The following PPP3CB variants were observed in gnomAD, a reference collection of about 807,000 sequenced individuals.
The protein encoded by PPP3CB is serine/threonine-protein phosphatase 2B catalytic subunit beta isoform.
Under a neutral mutation model 66.4 loss-of-function variants are expected in PPP3CB, and 8 were observed. That is an observed-to-expected ratio of 0.12 (90% CI 0.07 to 0.22). The LOEUF is 0.22. Ranked by LOEUF, PPP3CB falls within the 10% of genes least tolerant of loss-of-function variation. PPP3CB has a pLI of 1.00. For missense variants in PPP3CB, 319 were observed against 642.5 expected, an observed-to-expected ratio of 0.50 and a Z score of 5.44; for synonymous variants, 208 against 221.2, an observed-to-expected ratio of 0.94 and a Z score of 0.53.
At chr10:73,476,342 C>A (rs549979291) in intron 3 of PPP3CB, among the ~76,000 whole-genome samples, 8 of 152,226 alleles carry the variant, frequency 5.3e-5, no homozygotes, top group Non-Finnish European at 1.2e-4. Flanking sequence ...TACATCCAGG[C>A]GCAGTGGCTC....
chr10:73,458,997 G>A (rs558311825), intron 9 of PPP3CB, among the ~76,000 whole-genome samples: 2 of 151,958 alleles, frequency 1.3e-5, no homozygotes, highest in African/African-American at 2.4e-5. Context: ...TTGAACCCAG[G>A]AGGCAGAGGT....
At chr10:73,440,801 T>C (rs1016168915) in intron 12 of PPP3CB, among the ~76,000 whole-genome samples, 1 of 152,212 alleles carries the variant, frequency 6.6e-6, no homozygotes, top group African/African-American at 2.4e-5. Context: ...TATAGACACA[T>C]AGGTCATATT....
intron 11 of PPP3CB, among the ~76,000 whole-genome samples, chr10:73,445,873 C>A (rs952373169): frequency 1.3e-5 from 2 of 151,918 alleles, no homozygotes; most frequent in Admixed American, 6.6e-5. Context: ...CTCAGCCTCC[C>A]GAGTAGCTGG....
rs753997606 is a variant in PPP3CB at position 73,438,334 on chromosome 10, G to A, written c.1483C>T (p.Arg495Trp). 9.9e-6 allele frequency: 16 copies of A among 1,613,844 alleles called. No homozygotes were observed. Among genetic ancestry groups the A allele is most frequent in the South Asian group, 3.3e-5 (3 of 91,076 alleles). ...LDRINERMPPRKDAVQQDGFN... is the reference protein window; with the variant it reads ...LDRINERMPPWKDAVQQDGFN... ...CCATCTTGCTGTACAGCATCTTTCCGAGGTGGCATTCTCTCATTGATCCTA... is the reference window on the plus strand; with the variant it reads ...CCATCTTGCTGTACAGCATCTTTCCAAGGTGGCATTCTCTCATTGATCCTA... The change falls in exon 14 of 14, where the codon CGG becomes TGG. Residue 495 changes from arginine (R) to tryptophan (W), a missense_variant. By Grantham distance (101) the Arg-to-Trp change is moderately radical. Coordinates refer to ENST00000360663, the MANE Select transcript of PPP3CB (RefSeq NM_021132.4).
At chr10:73,438,510 A>T in intron 13 of PPP3CB, 90 bp from the exon 14 acceptor site, 1 of 1,200,310 alleles carries the variant, frequency 8.3e-7, no homozygotes. Context: ...GAAGAAAGAA[A>T]TTAGTAGCTG....
At chr10:73,444,628 A>G in intron 12 of PPP3CB, 97 bp downstream of exon 12, 5 of 1,569,666 alleles carry the variant, frequency 3.2e-6, no homozygotes, top group Non-Finnish European at 3.5e-6. Flanking sequence ...ACTAAAAAAC[A>G]GAAGGAATTC....
chr10:73,462,697 C>T (rs978396216), intron 9 of PPP3CB, among the ~76,000 whole-genome samples: 38 of 152,046 alleles, frequency 2.5e-4, no homozygotes, highest in African/African-American at 9.2e-4. Context: ...CACCTGTAAT[C>T]CCAGCACTTT....
At chr10:73,465,336 C>G (rs1381343399) in intron 9 of PPP3CB, among the ~76,000 whole-genome samples, 2 of 152,116 alleles carry the variant, frequency 1.3e-5, no homozygotes, top group African/African-American at 4.8e-5. Context: ...TCAAGTGATC[C>G]TCCTGCCTTA....
intron 12 of PPP3CB, among the ~76,000 whole-genome samples, chr10:73,441,157 A>G (rs2056140394): frequency 1.3e-5 from 2 of 152,244 alleles, no homozygotes; most frequent in South Asian, 4.1e-4. Context: ...GCAATTATTA[A>G]TGTAAAAGAA....
At chr10:73,483,581 G>A (rs1446809892) in intron 1 of PPP3CB, among the ~76,000 whole-genome samples, 4 of 151,794 alleles carry the variant, frequency 2.6e-5, no homozygotes, top group East Asian at 1.9e-4. Flanking sequence ...CGCTTGAACC[G>A]AAGAGGTGAA....
intron 9 of PPP3CB, among the ~76,000 whole-genome samples, chr10:73,460,719 G>A (rs2056506812): frequency 6.6e-6 from 1 of 152,250 alleles, no homozygotes; most frequent in Admixed American, 6.5e-5. Context: ...GGAAAGAATA[G>A]TTTTGGGGGT....
At chr10:73,448,647 C>T (rs774433531) in intron 10 of PPP3CB, 2 of 533,290 alleles carry the variant, frequency 3.8e-6, no homozygotes, top group South Asian at 2.8e-5. Flanking sequence ...AACAATGTTA[C>T]TCTGTCTGGT....
chr10:73,468,278 A>C (rs2056650361), intron 8 of PPP3CB, among the ~76,000 whole-genome samples: 1 of 152,154 alleles, frequency 6.6e-6, no homozygotes, highest in South Asian at 2.1e-4. Flanking sequence ...ACCAAAAGAG[A>C]ATATTATAAC....
rs920215446 is a variant in PPP3CB, at chr10:73,495,762, T to C, written c.85+43A>G. ...TCTCCCGCCCGCCCTCACACACAGC[T>C]AGCTCTTCAGGCCAGGCCCCCAGGG... On this transcript the variant is annotated intron_variant, in intron 1 of 13. Coordinates refer to ENST00000360663, the MANE Select transcript of PPP3CB (RefSeq NM_021132.4). The C allele has an allele frequency of 3.2e-6, 5 of 1,543,662 alleles. No homozygotes were observed. The Admixed American group carries it at 7.2e-5, about 22-fold the overall frequency.
At chr10:73,467,783 G>C in intron 8 of PPP3CB, 105 bp from the exon 9 acceptor site, 1 of 1,084,388 alleles carries the variant, frequency 9.2e-7, no homozygotes, top group Non-Finnish European at 1.3e-6. Flanking sequence ...AAGAGGAAGG[G>C]AGATCGGGGG....
At chr10:73,453,357 A>G (rs1283495434) in intron 10 of PPP3CB, among the ~76,000 whole-genome samples, 1 of 152,222 alleles carries the variant, frequency 6.6e-6, no homozygotes, top group African/African-American at 2.4e-5. Flanking sequence ...ATTCATAAGG[A>G]TAATTTAGAA....
intron 2 of PPP3CB, 58 bp from the exon 3 acceptor site, chr10:73,478,681 T>C (rs1467872490): frequency 2.7e-6 from 4 of 1,489,214 alleles, no homozygotes; most frequent in African/African-American, 2.8e-5. Flanking sequence ...CAAATTTTAC[T>C]TAAGTTAAAA....
intron 4 of PPP3CB, among the ~76,000 whole-genome samples, chr10:73,472,312 T>A (rs753444467): frequency 6.6e-6 from 1 of 152,082 alleles, no homozygotes; most frequent in Non-Finnish European, 1.5e-5. Context: ...CTGGCCAACA[T>A]GGCAGAACAC....
Position 73,471,580 on chromosome 10 carries a change from G to T in PPP3CB, c.557C>A (p.Ala186Asp). Residue 186 changes from alanine to aspartate, a missense_variant, in exon 5 of 14, where the codon GCT (alanine) becomes GAT (aspartate). This residue lies in a region of PPP3CB where 51 missense variants were observed against 139.6 expected (regional missense o/e 0.37). Coordinates refer to ENST00000360663, the MANE Select transcript of PPP3CB (RefSeq NM_021132.4). ...CAAACTATCAAAAGCTTCCATACAA[G>T]CTTCATAGACTCTTTCCGAATACTT... ...KIKYSERVYE[A>D]CMEAFDSLPL... The T allele has an allele frequency of 6.2e-7, 1 of 1,609,006 alleles. No individual in the cohort carries two copies. The highest frequency in any genetic ancestry group is 8.5e-7 in the Non-Finnish European group (1 of 1,177,736).
Sources: gnomAD v4.1 joint callset for allele counts (sites outside exome capture counted in the v4.1 genomes callset) on GRCh38, gnomAD v4.1.1 for gene constraint, gnomAD v4.1.1 regional missense constraint, MANE v1.5 for transcripts, NCBI Gene and HGNC (gene_info 2026-07-23, HGNC 2026-07-21) for gene names.